Variants in HS6ST3 observed in about 807,000 individuals in gnomAD.
The protein encoded by HS6ST3 is heparan-sulfate 6-O-sulfotransferase 3.
In HS6ST3, 12 loss-of-function variants were observed where a neutral mutation model predicts 36.7. The observed-to-expected ratio is 0.33, with a 90% CI of 0.21 to 0.53. The LOEUF (loss-of-function observed/expected upper bound fraction) is 0.53, where lower values mean the gene tolerates loss of function less well. HS6ST3 is among the 20% of genes least tolerant of loss of function. The probability of loss-of-function intolerance (pLI) is 0.95; values close to 1 mark genes in which losing one functional copy is unlikely to be tolerated. For missense variants in HS6ST3, 584 were observed against 640.9 expected (o/e 0.91, Z 0.96); for synonymous variants, 240 against 257.5 (o/e 0.93, Z 0.65).
At position 96,774,402 on chromosome 13, in the gene HS6ST3, T is replaced by A. The variant is rs554579701; in HGVS notation, c.708-58088T>A. On this transcript the variant is annotated intron_variant, in intron 1 of 1. Transcript: ENST00000376705. ...CTCCTCCAAGCTAAAAGAGCATGTG[T>A]TAACCCAATGCAAGGAAATTAAGAA... Among the ~76,000 whole-genome samples the A allele has an allele frequency of 3.9e-5, 6 of 152,244 alleles. No individual in the cohort carries two copies. In the South Asian group the frequency reaches 1.0e-3, roughly 26 times the overall value.
chr13:96,399,342 A>G lies in HS6ST3; in HGVS notation c.707+307773A>G, dbSNP rs576970370. Among the ~76,000 whole-genome samples, 28 of 152,312 alleles carry G rather than the reference A, an allele frequency of 1.8e-4. No individual in the cohort carries two copies. In the South Asian group the frequency reaches 5.8e-3, roughly 32 times the overall value. On this transcript the variant is annotated intron_variant, in intron 1 of 1. Transcript: ENST00000376705. Reference sequence around the variant, plus strand: ...CTTTTAGACTCAAAGAGACCTTAGAATTAGCCTAACCTTTTTATTTTATAG... The same window carrying G: ...CTTTTAGACTCAAAGAGACCTTAGAGTTAGCCTAACCTTTTTATTTTATAG...
intron 1 of HS6ST3, among the ~76,000 whole-genome samples, chr13:96,274,172 G>C (rs1448809603): frequency 6.6e-6 from 1 of 151,384 alleles, no homozygotes; most frequent in African/African-American, 2.4e-5. Context: ...TTTGCACAGT[G>C]GTATAAAATA....
rs1188032139 is a variant in HS6ST3, at chr13:96,834,713, T to TA, written c.*1516dup. 2.6e-5 allele frequency: 4 copies of TA among 152,640 alleles called. No homozygotes were observed. The highest frequency in any genetic ancestry group is 9.7e-5 in the African/African-American group (4 of 41,440). 9.5% of individuals were successfully genotyped at this position (152,640 alleles called of 1,614,324 possible). ...CAGATTGAAAAGCCTATTTCATTGA[T>TA]ATCCAACATGTTTGATGTTTAAGCT... is the stretch of plus-strand genomic sequence containing the variant. On this transcript the variant is annotated 3_prime_UTR_variant, in exon 2 of 2. Coordinates refer to ENST00000376705, the MANE Select transcript of HS6ST3 (RefSeq NM_153456.4).
At chr13:96,220,168 A>G (rs954274744) in intron 1 of HS6ST3, among the ~76,000 whole-genome samples, 13 of 152,178 alleles carry the variant, frequency 8.5e-5, no homozygotes, top group Admixed American at 3.9e-4. Context: ...CACAGTGTCT[A>G]TCTTGGAGAG....
intron 1 of HS6ST3, among the ~76,000 whole-genome samples, chr13:96,735,608 G>A (rs1876263843): frequency 2.0e-5 from 3 of 152,182 alleles, no homozygotes; most frequent in Non-Finnish European, 4.4e-5. Flanking sequence ...TGCAATTCAA[G>A]AGTTGGCCCT....
At chr13:96,452,375 TCTC>T (rs1416174480) in intron 1 of HS6ST3, among the ~76,000 whole-genome samples, 1 of 152,160 alleles carries the variant, frequency 6.6e-6, no homozygotes, top group Non-Finnish European at 1.5e-5. Flanking sequence ...ATTACAAAGT[TCTC>T]CTTTTTTCCC....
chr13:96,538,796 A>G (rs2056166273), intron 1 of HS6ST3, among the ~76,000 whole-genome samples: 1 of 152,238 alleles, frequency 6.6e-6, no homozygotes, highest in Non-Finnish European at 1.5e-5. Context: ...AAAATTCAAG[A>G]TAACCTGGGA....
intron 1 of HS6ST3, among the ~76,000 whole-genome samples, chr13:96,661,578 G>A (rs2056646501): frequency 6.6e-6 from 1 of 152,074 alleles, no homozygotes; most frequent in African/African-American, 2.4e-5. Context: ...TTTAAGTAGA[G>A]CATTAGTTCA....
At chr13:96,592,270 CA>C (rs999771714) in intron 1 of HS6ST3, among the ~76,000 whole-genome samples, 3 of 152,052 alleles carry the variant, frequency 2.0e-5, no homozygotes, top group East Asian at 1.9e-4. Flanking sequence ...AACAAACAAG[CA>C]AAAAAAGCTA....
chr13:96,096,701 G>T (rs1475732985), intron 1 of HS6ST3, among the ~76,000 whole-genome samples: 1 of 152,134 alleles, frequency 6.6e-6, no homozygotes, highest in Admixed American at 6.6e-5. Flanking sequence ...GATAAGATGA[G>T]AAAATATAAC....
intron 1 of HS6ST3, among the ~76,000 whole-genome samples, chr13:96,187,020 C>A (rs911365920): frequency 2.6e-5 from 4 of 152,204 alleles, no homozygotes; most frequent in Non-Finnish European, 5.9e-5. Context: ...GTGATCAGAC[C>A]TGATTTACTG....
At chr13:96,466,504 ACATGTAACTGAAAT>A (rs2055814430) in intron 1 of HS6ST3, among the ~76,000 whole-genome samples, 1 of 152,112 alleles carries the variant, frequency 6.6e-6, no homozygotes, top group Non-Finnish European at 1.5e-5. Flanking sequence ...CTTTGGTTCC[ACATGTAACTGAAAT>A]CATGCATTAT....
intron 1 of HS6ST3, among the ~76,000 whole-genome samples, chr13:96,262,918 C>A (rs756507023): frequency 8.6e-5 from 13 of 152,046 alleles, no homozygotes; most frequent in Non-Finnish European, 1.5e-4. Flanking sequence ...ATACCTCAGA[C>A]GTATTTGTTC....
At chr13:96,767,331 T>C (rs1404005099) in intron 1 of HS6ST3, among the ~76,000 whole-genome samples, 3 of 152,198 alleles carry the variant, frequency 2.0e-5, no homozygotes, top group Non-Finnish European at 4.4e-5. Context: ...CACCCACATA[T>C]ACACATGCAC....
chr13:96,796,740 C>T (rs1020783232), intron 1 of HS6ST3, among the ~76,000 whole-genome samples: 4 of 151,976 alleles, frequency 2.6e-5, no homozygotes, highest in African/African-American at 9.7e-5. Flanking sequence ...CAAGAAATGC[C>T]GTGTTATGTA....
intron 1 of HS6ST3, among the ~76,000 whole-genome samples, chr13:96,710,889 T>G (rs930589029): frequency 2.6e-5 from 4 of 152,234 alleles, no homozygotes; most frequent in African/African-American, 9.6e-5. Flanking sequence ...GTCCCTGTTC[T>G]TTAACAAGAA....
At chr13:96,666,955 C>G (rs2056666078) in intron 1 of HS6ST3, among the ~76,000 whole-genome samples, 1 of 151,838 alleles carries the variant, frequency 6.6e-6, no homozygotes, top group South Asian at 2.1e-4. Flanking sequence ...GTAAATTTGC[C>G]CATTTTTTAT....
chr13:96,284,205 G>A (rs2054789100), intron 1 of HS6ST3, among the ~76,000 whole-genome samples: 1 of 152,070 alleles, frequency 6.6e-6, no homozygotes, highest in Non-Finnish European at 1.5e-5. Context: ...GGGTTCTCTA[G>A]AGGCACAGAC....
rs201252835 is a variant in HS6ST3, at chr13:96,254,502, CAT to C, written c.707+162935_707+162936del. Among the ~76,000 whole-genome samples the C allele has an allele frequency of 7.3e-3, 147 of 20,122 alleles. 7 individuals are homozygous for C. The highest frequency in any genetic ancestry group is 0.021 in the African/African-American group (142 of 6,608). The allele number at this position is 20,122 out of a possible 152,430, so 13.2% of individuals were successfully genotyped here. A position where few individuals can be genotyped will look rare whatever the true frequency, so the allele number is the denominator to read the frequency against. Reference sequence around the variant, plus strand: ...ATATATATATATATATATATATACACATACATACACACACACACTTTTTTCTT... The same window carrying C: ...ATATATATATATATATATATATACACACATACACACACACACTTTTTTCTT... On this transcript the variant is annotated intron_variant, in intron 1 of 1. Transcript: ENST00000376705.
Sources: allele counts gnomAD v4.1 joint callset (sites outside exome capture counted in the v4.1 genomes callset), GRCh38; gene constraint gnomAD v4.1.1; transcripts MANE v1.5; gene names NCBI Gene and HGNC (gene_info 2026-07-23, HGNC 2026-07-21).